Variants in ARHGAP23 observed in about 807,000 individuals in gnomAD.
ARHGAP23 encodes the protein rho GTPase-activating protein 23.
ARHGAP23 carries 34 observed loss-of-function variants against 136.3 expected under a neutral mutation model. The ratio of observed to expected loss-of-function variants is 0.25; its 90% CI spans 0.19 to 0.33. The LOEUF is 0.33. Among genes scored for constraint, ARHGAP23 ranks in the 10% least tolerant of loss-of-function variants. The pLI is 1.00. For missense variants in ARHGAP23, 1,808 were observed against 2,139.0 expected (o/e 0.85, Z 3.05); for synonymous variants, 832 against 920.5 (o/e 0.90, Z 1.74).
intron 23 of ARHGAP23, among the ~76,000 whole-genome samples, chr17:38,507,806 C>T (rs2144820913): frequency 6.6e-6 from 1 of 152,322 alleles, no homozygotes; most frequent in East Asian, 1.9e-4. Flanking sequence ...TCCTGAGTCC[C>T]TGACATGCTC....
upstream of ARHGAP23, among the ~76,000 whole-genome samples, chr17:38,426,345 A>G (rs2038569225): frequency 6.6e-6 from 1 of 152,008 alleles, no homozygotes; most frequent in African/African-American, 2.4e-5. Context: ...GATCGAGACC[A>G]TCCTGGCCAA....
In ARHGAP23 at chr17:38,510,627, C is replaced by A; in HGVS notation, c.4131C>A (p.Arg1377=). ...SRMEALRLRL[R]GTADDMLAVR... Reference sequence around the variant, plus strand: ...TGGAGGCGCTGCGTCTAAGGCTCCGCGGCACGGCGGACGACATGCTCGCCG... The same window carrying A: ...TGGAGGCGCTGCGTCTAAGGCTCCGAGGCACGGCGGACGACATGCTCGCCG... Residue 1377 remains arginine, a synonymous_variant, in exon 24 of 24, where the codon CGC becomes CGA. Coordinates refer to ENST00000622683, the MANE Select transcript of ARHGAP23 (RefSeq NM_001199417.2). This position sits in a 1 kb window ranked among gnomAD's most constrained non-coding sequence, Gnocchi z 4.6. The A allele has an allele frequency of 7.4e-7, 1 of 1,348,016 alleles. No individual in the cohort carries two copies. Among genetic ancestry groups the A allele is most frequent in the Non-Finnish European group, 9.4e-7 (1 of 1,058,304 alleles). 83.5% of individuals were successfully genotyped at this position (1,348,016 alleles called of 1,614,324 possible).
chr17:38,456,432 G>C (rs1466384515), intron 1 of ARHGAP23, among the ~76,000 whole-genome samples: 1 of 152,174 alleles, frequency 6.6e-6, no homozygotes, highest in Non-Finnish European at 1.5e-5. Context: ...CCTCACTCCA[G>C]AACTGATGAG....
At chr17:38,446,890 T>C (rs2039047546) in intron 1 of ARHGAP23, among the ~76,000 whole-genome samples, 1 of 152,014 alleles carries the variant, frequency 6.6e-6, no homozygotes, top group Admixed American at 6.6e-5. Flanking sequence ...CATAGCTCAC[T>C]GCAGCCTCCA....
chr17:38,456,632 T>G (rs7503931), intron 1 of ARHGAP23, among the ~76,000 whole-genome samples: 39,920 of 151,964 alleles, frequency 0.26, 5,604 homozygotes, highest in East Asian at 0.42. Context: ...CCTCTAGGGG[T>G]CCTCTTGGCT....
At chr17:38,494,344 T>C (rs908406250) in intron 20 of ARHGAP23, among the ~76,000 whole-genome samples, 1 of 152,194 alleles carries the variant, frequency 6.6e-6, no homozygotes, top group Non-Finnish European at 1.5e-5. Context: ...GAGAACGGAC[T>C]GTCATCCTCT....
rs1242477280 is a variant in ARHGAP23, at chr17:38,495,961, G to A, written c.3277-1824G>A. Among the ~76,000 whole-genome samples the A allele has an allele frequency of 2.6e-5, 4 of 151,986 alleles. No individual in the cohort carries two copies. In the South Asian group the frequency reaches 6.2e-4, roughly 24 times the overall value. ...TGTCCAGGCTGGAGTACAGTGGTGC[G>A]ACCTCAGCTCACTGCAACCTCTGCC... On this transcript the variant is annotated intron_variant, in intron 20 of 23. Transcript: ENST00000622683.
intron 6 of ARHGAP23, among the ~76,000 whole-genome samples, chr17:38,464,607 G>A (rs2039539629): frequency 6.6e-6 from 1 of 152,214 alleles, no homozygotes; most frequent in African/African-American, 2.4e-5. Context: ...GATCTGAGGT[G>A]GACTGCTTAC....
intron 3 of ARHGAP23, 72 bp downstream of exon 3, chr17:38,461,004 C>T (rs2039447706): frequency 1.3e-6 from 2 of 1,510,708 alleles, no homozygotes; most frequent in African/African-American, 2.8e-5. Flanking sequence ...CCTGTCCTCC[C>T]CTAAGACTGC....
chr17:38,478,345 G>A (rs2039947538), intron 12 of ARHGAP23, among the ~76,000 whole-genome samples: 1 of 152,208 alleles, frequency 6.6e-6, no homozygotes, highest in African/African-American at 2.4e-5. Flanking sequence ...TTGTGAGGAG[G>A]CCGAGAGGCT....
chr17:38,466,129 G>A (rs1269679665), intron 6 of ARHGAP23, 38 bp from the exon 7 acceptor site: 1 of 1,436,406 alleles, frequency 7.0e-7, no homozygotes, highest in Admixed American at 2.5e-5. Flanking sequence ...TGTGGGACTT[G>A]TCTGGCCCTG....
rs1380560179 is a variant in ARHGAP23 at position 38,471,819 on chromosome 17, A to G, written c.1975-44A>G. The G allele has an allele frequency of 2.0e-6, 3 of 1,497,022 alleles. No individual in the cohort carries two copies. The East Asian group carries it at 7.4e-5, about 37-fold the overall frequency. 92.7% of individuals were successfully genotyped at this position (1,497,022 alleles called of 1,614,324 possible). ...TCCATGGGGTTCCTGAGATGCTGGC[A>G]TTGTGGGAGCCACCCTAAATTGTCC... On this transcript the variant is annotated intron_variant, in intron 10 of 23. Coordinates refer to ENST00000622683, the MANE Select transcript of ARHGAP23 (RefSeq NM_001199417.2).
In ARHGAP23 at chr17:38,510,209, G is replaced by T; in HGVS notation, c.3713G>T (p.Arg1238Leu). ...RLSPPAAPEE[R>L]PAADTRSIVS... The stretch of plus-strand genomic sequence containing the variant: ...AGTCCCCCGGCGGCGCCGGAGGAGC[G>T]GCCGGCCGCGGACACGCGCTCCATT... Residue 1238 changes from arginine (R) to leucine (L), a missense_variant, in exon 24 of 24, where the codon CGG (arginine) becomes CTG (leucine). Arg to Leu is a moderately radical substitution (Grantham distance 102, BLOSUM62 -2). This residue lies in a region of ARHGAP23 where 506 missense variants were observed against 455.8 expected (regional missense o/e 1.11). Transcript: ENST00000622683. The surrounding 1 kb of genome is among the most constrained non-coding windows in gnomAD (Gnocchi z 4.6). 2 of 1,369,012 alleles carry T rather than the reference G, an allele frequency of 1.5e-6. No individual in the cohort carries two copies. The highest frequency in any genetic ancestry group is 1.9e-6 in the Non-Finnish European group (2 of 1,061,480). The allele number at this position is 1,369,012 out of a possible 1,614,324, so 84.8% of individuals were successfully genotyped here.
At chr17:38,446,621 T>A (rs1020922371) in intron 1 of ARHGAP23, among the ~76,000 whole-genome samples, 3 of 151,496 alleles carry the variant, frequency 2.0e-5, no homozygotes, top group Non-Finnish European at 4.4e-5. Flanking sequence ...TTTTTTTTTT[T>A]TTTTTTTGAG....
At position 38,487,864 on chromosome 17, in the gene ARHGAP23, AAAAT is replaced by A. The variant is rs781026195; in HGVS notation, c.2986+1743_2986+1746del. On this transcript the variant is annotated intron_variant, in intron 17 of 23. Coordinates refer to ENST00000622683, the MANE Select transcript of ARHGAP23 (RefSeq NM_001199417.2). The stretch of plus-strand genomic sequence containing the variant: ...GGGTGACAGAGCAAGACTCCATCTC[AAAAT>A]AAATAAATAAATAAATAATACAATA... Among the ~76,000 whole-genome samples, 6 of 152,066 alleles carry A rather than the reference AAAAT, an allele frequency of 3.9e-5. No individual in the cohort carries two copies. In the South Asian group the frequency reaches 8.3e-4, roughly 21 times the overall value.
At chr17:38,430,609 C>T (rs910424743) in intron 1 of ARHGAP23, among the ~76,000 whole-genome samples, 2 of 152,104 alleles carry the variant, frequency 1.3e-5, no homozygotes, top group African/African-American at 4.8e-5. Context: ...AAAGCAGCAG[C>T]ATGGAAGAAG....
intron 22 of ARHGAP23, chr17:38,498,932 C>T (rs1371281716): frequency 1.4e-5 from 10 of 699,500 alleles, no homozygotes; most frequent in African/African-American, 3.5e-5. Context: ...CCTCCTCCAG[C>T]GGACCTGTTG....
intron 20 of ARHGAP23, among the ~76,000 whole-genome samples, chr17:38,492,740 T>C (rs747630412): frequency 2.2e-4 from 33 of 152,210 alleles, no homozygotes; most frequent in Non-Finnish European, 3.8e-4. Context: ...GATCACAGCC[T>C]GCTGCATCCG....
At chr17:38,440,990 A>G (rs2038907638) in intron 1 of ARHGAP23, among the ~76,000 whole-genome samples, 1 of 152,176 alleles carries the variant, frequency 6.6e-6, no homozygotes, top group South Asian at 2.1e-4. Context: ...GCCACGGGTG[A>G]CCAGAAGGAA....
Sources: allele counts gnomAD v4.1 joint callset (sites outside exome capture counted in the v4.1 genomes callset), GRCh38; gene constraint gnomAD v4.1.1; regional missense constraint gnomAD v4.1.1; non-coding constraint Gnocchi (gnomAD v3.1); transcripts MANE v1.5; gene names NCBI Gene and HGNC (gene_info 2026-07-23, HGNC 2026-07-21).